The following ST3GAL3 variants were observed in gnomAD, a reference collection of about 807,000 sequenced individuals.
ST3GAL3 encodes the protein CMP-N-acetylneuraminate-beta-1,4-galactoside alpha-2,3-sialyltransferase.
Under a neutral mutation model 50.1 loss-of-function variants are expected in ST3GAL3, and 21 were observed. The observed-to-expected ratio is 0.42, with a 90% confidence interval of 0.30 to 0.60. The LOEUF (loss-of-function observed/expected upper bound fraction) is 0.60. ST3GAL3 is among the 20% of genes least tolerant of loss of function. The pLI is 0.19. For synonymous variants in ST3GAL3, 183 were observed against 190.0 expected, an observed-to-expected ratio of 0.96 and a Z score of 0.30; for missense variants, 353 against 489.4, an observed-to-expected ratio of 0.72 and a Z score of 2.63.
chr1:43,841,693 T>G (rs372681964), intron 5 of ST3GAL3: 3 of 152,216 alleles, frequency 2.0e-5, no homozygotes, highest in African/African-American at 7.2e-5. Context: ...CCTTTGAGGC[T>G]TTTTCCCTAT....
At position 43,887,646 on chromosome 1, in the gene ST3GAL3, A is replaced by G. The variant is rs746269940; in HGVS notation, c.303-6737A>G. 1.1e-4 allele frequency among the ~76,000 whole-genome samples: 16 copies of G among 152,196 alleles called. 1 individual carries two copies. The highest frequency in any genetic ancestry group is 2.6e-4 in the Admixed American group (4 of 15,274). ...TTGTAGTAGGCATTGAAGTTTCTGA[A>G]AATAATTGAGCAAGAATTGGGTTTG... is the stretch of plus-strand genomic sequence containing the variant. On this transcript the variant is annotated intron_variant, in intron 5 of 11. Coordinates refer to ENST00000347631, the MANE Select transcript of ST3GAL3 (RefSeq NM_006279.5).
Position 43,908,842 on chromosome 1 carries a change from G to A in ST3GAL3, c.744+9115G>A, listed in dbSNP as rs531014012. Among the ~76,000 whole-genome samples, 89 of 152,196 alleles carry A rather than the reference G, an allele frequency of 5.8e-4. 1 individual carries two copies. The highest frequency in any genetic ancestry group is 3.4e-3 in the Middle Eastern group (1 of 294). On this transcript the variant is annotated intron_variant, in intron 9 of 11. Transcript: ENST00000347631. ...AGATGGGGTTTCGCCATGTTGGCCA[G>A]GCTGCTCTCAAACTCCTGACCTCAG...
At chr1:43,794,945 T>C (rs2058516227) in intron 3 of ST3GAL3, among the ~76,000 whole-genome samples, 1 of 151,924 alleles carries the variant, frequency 6.6e-6, no homozygotes, top group Admixed American at 6.6e-5. Flanking sequence ...CTATAATAGC[T>C]AGATGGTGGT....
chr1:43,798,385 A>C (rs1467113776), intron 3 of ST3GAL3, among the ~76,000 whole-genome samples: 1 of 152,154 alleles, frequency 6.6e-6, no homozygotes, highest in African/African-American at 2.4e-5. Flanking sequence ...TTTACAATAA[A>C]ATCCAAACTT....
intron 3 of ST3GAL3, among the ~76,000 whole-genome samples, chr1:43,798,399 C>T (rs1330215973): frequency 1.3e-5 from 2 of 152,150 alleles, no homozygotes; most frequent in Admixed American, 6.5e-5. Flanking sequence ...CAAACTTGTC[C>T]CTCCTTCCTG....
intron 5 of ST3GAL3, among the ~76,000 whole-genome samples, chr1:43,846,800 A>G (rs1348785217): frequency 6.6e-6 from 1 of 152,182 alleles, no homozygotes; most frequent in African/African-American, 2.4e-5. Context: ...TGCTCAGCTT[A>G]TTTATTTTTG....
intron 4 of ST3GAL3, among the ~76,000 whole-genome samples, chr1:43,837,624 T>C (rs1362420764): frequency 6.6e-6 from 1 of 152,214 alleles, no homozygotes; most frequent in African/African-American, 2.4e-5. Flanking sequence ...CCCCGGGTAT[T>C]GGAGCCTTGA....
At chr1:43,796,777 G>A (rs1330608893) in intron 3 of ST3GAL3, among the ~76,000 whole-genome samples, 1 of 152,228 alleles carries the variant, frequency 6.6e-6, no homozygotes, top group Non-Finnish European at 1.5e-5. Context: ...GTGCTGAGGT[G>A]ACACAGATGT....
intron 3 of ST3GAL3, among the ~76,000 whole-genome samples, chr1:43,810,172 C>T (rs990570683): frequency 6.6e-6 from 1 of 151,936 alleles, no homozygotes; most frequent in Non-Finnish European, 1.5e-5. Context: ...GAAATAAGAA[C>T]CAAATTTTTT....
intron 2 of ST3GAL3, among the ~76,000 whole-genome samples, chr1:43,759,638 C>A (rs957498786): frequency 2.6e-5 from 4 of 152,130 alleles, no homozygotes; most frequent in African/African-American, 9.7e-5. Context: ...TTTTGGTTGC[C>A]TGTTGCACTG....
chr1:43,813,438 A>G (rs1343068203), intron 3 of ST3GAL3, among the ~76,000 whole-genome samples: 4 of 152,118 alleles, frequency 2.6e-5, no homozygotes, highest in African/African-American at 9.7e-5. Context: ...AGTTCTTGAT[A>G]TGTTAAGGCA....
intron 3 of ST3GAL3, among the ~76,000 whole-genome samples, chr1:43,792,808 T>G (rs1181436145): frequency 6.6e-6 from 1 of 152,192 alleles, no homozygotes; most frequent in Non-Finnish European, 1.5e-5. Flanking sequence ...CACATCACTG[T>G]GCCTGTTGAC....
chr1:43,894,472 G>C lies in ST3GAL3; in HGVS notation c.392G>C (p.Gly131Ala). Residue 131 changes from glycine to alanine, a missense_variant, in exon 6 of 12, where the codon GGT (glycine) becomes GCT (alanine). Coordinates refer to ENST00000347631, the MANE Select transcript of ST3GAL3 (RefSeq NM_006279.5). ...TTCGTGCCGCCTTTTGGGATCAAAG[G>C]TCAAGGTATGTTGGGAACCCTGACC... The part of the protein sequence containing the change: ...REFVPPFGIK[G>A]QDNLIKAILS... The C allele has an allele frequency of 6.2e-7, 1 of 1,614,094 alleles. No homozygotes were observed. The highest frequency in any genetic ancestry group is 8.5e-7 in the Non-Finnish European group (1 of 1,179,992).
At chr1:43,833,712 A>T (rs2063853868) in intron 4 of ST3GAL3, among the ~76,000 whole-genome samples, 1 of 152,192 alleles carries the variant, frequency 6.6e-6, no homozygotes, top group Non-Finnish European at 1.5e-5. Context: ...GAGAGGCAGA[A>T]AGGGGAAGGC....
At chr1:43,801,085 TG>T (rs2059263119) in intron 3 of ST3GAL3, among the ~76,000 whole-genome samples, 1 of 152,238 alleles carries the variant, frequency 6.6e-6, no homozygotes, top group Non-Finnish European at 1.5e-5. Context: ...TCTTGCCTCA[TG>T]GACTATCCTG....
At chr1:43,774,459 G>A (rs938962339) in intron 2 of ST3GAL3, among the ~76,000 whole-genome samples, 2 of 152,174 alleles carry the variant, frequency 1.3e-5, no homozygotes, top group African/African-American at 4.8e-5. Context: ...CACTCTCTGG[G>A]ATCTTCAGGA....
At chr1:43,721,760 C>A (rs1157672397) in intron 1 of ST3GAL3, among the ~76,000 whole-genome samples, 1 of 152,096 alleles carries the variant, frequency 6.6e-6, no homozygotes, top group Non-Finnish European at 1.5e-5. Context: ...TGCCACTGCG[C>A]CTGACTGATT....
At chr1:43,818,523 C>G (rs1247532568) in intron 4 of ST3GAL3, among the ~76,000 whole-genome samples, 1 of 152,132 alleles carries the variant, frequency 6.6e-6, no homozygotes, top group Non-Finnish European at 1.5e-5. Context: ...AGGAAATGAG[C>G]AGCTCACAGT....
intron 1 of ST3GAL3, among the ~76,000 whole-genome samples, chr1:43,731,853 T>A (rs1176364482): frequency 2.7e-5 from 4 of 148,696 alleles, no homozygotes; most frequent in African/African-American, 5.2e-5. Context: ...TTAAAAAAAA[T>A]TTTTTGTAGA....
Sources: gnomAD v4.1 joint callset for allele counts (sites outside exome capture counted in the v4.1 genomes callset) on GRCh38, gnomAD v4.1.1 for gene constraint, MANE v1.5 for transcripts, NCBI Gene and HGNC (gene_info 2026-07-23, HGNC 2026-07-21) for gene names.